Variants in UCK2 observed in about 807,000 individuals in gnomAD.
UCK2 encodes the protein uridine-cytidine kinase 2, also known as cytidine monophosphokinase 2.
UCK2 carries 6 observed loss-of-function variants against 30.8 expected under a neutral mutation model. That is an observed-to-expected ratio of 0.19 (90% CI 0.11 to 0.38). The LOEUF is 0.38. UCK2 is among the 10% of genes least tolerant of loss of function. The probability of loss-of-function intolerance (pLI) is 1.00; values close to 1 mark genes in which losing one functional copy is unlikely to be tolerated. For synonymous variants in UCK2, 125 were observed against 133.6 expected (o/e 0.94, Z 0.45); for missense variants, 210 against 339.8 (o/e 0.62, Z 3.00).
intron 4 of UCK2, 32 bp from the exon 5 acceptor site, chr1:165,903,149 GT>G: frequency 1.3e-6 from 2 of 1,592,432 alleles, no homozygotes; most frequent in African/African-American, 1.3e-5. Context: ...CTCCTACACC[GT>G]TTTTTGATTC....
At chr1:165,858,415 C>G (rs910382438) in intron 1 of UCK2, among the ~76,000 whole-genome samples, 5 of 152,192 alleles carry the variant, frequency 3.3e-5, no homozygotes, top group Admixed American at 1.3e-4. Flanking sequence ...GCTGTGGTTC[C>G]CAGTCCACCC....
At chr1:165,879,572 T>TTATTATTATTATTATTA (rs1297159306) in intron 1 of UCK2, among the ~76,000 whole-genome samples, 2 of 46,068 alleles carry the variant, frequency 4.3e-5, no homozygotes, top group Non-Finnish European at 1.1e-4. Context: ...TATTATTATT[T>TTATTATTATTATTATTA]TGTCAGTAGT....
chr1:165,888,355 G>A (rs1446298121), intron 1 of UCK2, among the ~76,000 whole-genome samples: 1 of 151,722 alleles, frequency 6.6e-6, no homozygotes. Context: ...TACATGGCAC[G>A]ATCTCAGCTG....
At chr1:165,849,383 C>T (rs992517524) in intron 1 of UCK2, among the ~76,000 whole-genome samples, 1 of 152,084 alleles carries the variant, frequency 6.6e-6, no homozygotes, top group Non-Finnish European at 1.5e-5. Context: ...CCGTGGGCTC[C>T]GATCTGGGAA....
Position 165,827,789 on chromosome 1 carries a change from G to A in UCK2, c.-45G>A. 7.5e-7 allele frequency: 1 copy of A among 1,336,510 alleles called. No homozygotes were observed. The highest frequency in any genetic ancestry group is 9.7e-7 in the Non-Finnish European group (1 of 1,031,454). 82.8% of individuals were successfully genotyped at this position (1,336,510 alleles called of 1,614,324 possible). ...TCCGACGCGGGCGCGGGCGGGGAGC[G>A]TGCGTCCGTTCGCACAGGCAGCGGG... is the stretch of plus-strand genomic sequence containing the variant. On this transcript the variant is annotated 5_prime_UTR_variant, in exon 1 of 7. In the 5' UTR this introduces an upstream ATG that the reference lacks. Transcript: ENST00000367879.
chr1:165,895,263 A>G (rs1483313100), intron 3 of UCK2, among the ~76,000 whole-genome samples: 1 of 151,908 alleles, frequency 6.6e-6, no homozygotes, highest in East Asian at 1.9e-4. Context: ...AAAATACAAA[A>G]ATTAGCCTGG....
intron 1 of UCK2, among the ~76,000 whole-genome samples, chr1:165,861,056 A>G (rs1460082530): frequency 6.6e-6 from 1 of 152,184 alleles, no homozygotes; most frequent in Non-Finnish European, 1.5e-5. Flanking sequence ...TCAAGGCACC[A>G]GTAGATTCAG....
At chr1:165,830,435 C>T (rs1462254888) in intron 1 of UCK2, among the ~76,000 whole-genome samples, 2 of 151,854 alleles carry the variant, frequency 1.3e-5, no homozygotes, top group African/African-American at 4.8e-5. Context: ...TGCCATTCTT[C>T]TGCCTCAGCC....
At chr1:165,839,738 G>T (rs561509928) in intron 1 of UCK2, among the ~76,000 whole-genome samples, 2 of 152,290 alleles carry the variant, frequency 1.3e-5, no homozygotes, top group Admixed American at 1.3e-4. Context: ...TGTTTCTTCT[G>T]AACCTATTCC....
chr1:165,886,179 G>C (rs1441004610), intron 1 of UCK2, among the ~76,000 whole-genome samples: 1 of 152,120 alleles, frequency 6.6e-6, no homozygotes, highest in African/African-American at 2.4e-5. Flanking sequence ...TAATTGTTAA[G>C]TCTTAGCCCA....
At chr1:165,866,677 C>T (rs892063117) in intron 1 of UCK2, among the ~76,000 whole-genome samples, 1 of 152,190 alleles carries the variant, frequency 6.6e-6, no homozygotes, top group African/African-American at 2.4e-5. Context: ...AATTCTTCCT[C>T]ATCCCCAGGC....
At chr1:165,859,434 G>A (rs1571276412) in intron 1 of UCK2, among the ~76,000 whole-genome samples, 2 of 152,252 alleles carry the variant, frequency 1.3e-5, no homozygotes, top group East Asian at 3.9e-4. Flanking sequence ...CTTGTTACAT[G>A]TATTCCAGCT....
intron 5 of UCK2, among the ~76,000 whole-genome samples, chr1:165,905,483 T>TA (rs796794570): frequency 0.01 from 1,505 of 147,998 alleles, 21 homozygotes; most frequent in African/African-American, 0.032. Flanking sequence ...GACGCTGTCT[T>TA]AAAAAAAAAA....
At chr1:165,862,173 C>G (rs1343567096) in intron 1 of UCK2, among the ~76,000 whole-genome samples, 1 of 152,190 alleles carries the variant, frequency 6.6e-6, no homozygotes. Flanking sequence ...TGCACAGGCT[C>G]TTAATCTCTG....
intron 1 of UCK2, among the ~76,000 whole-genome samples, chr1:165,843,251 T>G (rs1369779902): frequency 6.7e-6 from 1 of 148,790 alleles, no homozygotes; most frequent in Non-Finnish European, 1.5e-5. Flanking sequence ...GATTGTGAGA[T>G]TGGATTACCT....
intron 1 of UCK2, among the ~76,000 whole-genome samples, chr1:165,886,601 T>C (rs1655620112): frequency 6.6e-6 from 1 of 152,232 alleles, no homozygotes; most frequent in Non-Finnish European, 1.5e-5. Context: ...AGCTGAATTA[T>C]TCTTAAGGAA....
chr1:165,911,520 C>T lies in UCK2; in HGVS notation c.*3697C>T, dbSNP rs1468432787. ...TTTCCCCCCTTTTAAGATGCTTGCT[C>T]CTCTCCCTTTTCTTTTTACCACCCT... On this transcript the variant is annotated 3_prime_UTR_variant, in exon 7 of 7. Transcript: ENST00000367879. 1.3e-5 allele frequency: 2 copies of T among 152,096 alleles called. No homozygotes were observed. The highest frequency in any genetic ancestry group is 2.4e-5 in the African/African-American group (1 of 41,396). The allele number at this position is 152,096 out of a possible 1,614,324, so 9.4% of individuals were successfully genotyped here. A position where few individuals can be genotyped will look rare whatever the true frequency, so the allele number is the denominator to read the frequency against.
chr1:165,902,592 A>AGTTTTTTTTTTT (rs1647513972), intron 4 of UCK2: 1 of 45,758 alleles, frequency 2.2e-5, no homozygotes, highest in East Asian at 8.3e-4. Context: ...TCACTGAGTG[A>AGTTTTTTTTTTT]TTTTTTTTTT....
chr1:165,892,724 G>C (rs574943872), intron 3 of UCK2: 3 of 152,412 alleles, frequency 2.0e-5, no homozygotes, highest in East Asian at 3.9e-4. Flanking sequence ...CTAAGGCAAG[G>C]GCCTGCAGAA....
Sources: allele counts gnomAD v4.1 joint callset (sites outside exome capture counted in the v4.1 genomes callset), GRCh38; gene constraint gnomAD v4.1.1; transcripts MANE v1.5; gene names NCBI Gene and HGNC (gene_info 2026-07-23, HGNC 2026-07-21).